DLGAP2: variants seen among roughly 807,000 people sequenced by gnomAD.
DLGAP2 encodes the protein disks large-associated protein 2.
A neutral mutation model predicts 100.3 loss-of-function variants in DLGAP2; 26 were observed. The ratio of observed to expected loss-of-function variants is 0.26; its 90% confidence interval spans 0.19 to 0.36. The LOEUF is 0.36. DLGAP2 is among the 10% of genes least tolerant of loss of function. The pLI, the probability that DLGAP2 is intolerant of heterozygous loss-of-function variation, is 1.00. For missense variants in DLGAP2, 1,858 were observed against 1,453.2 expected, an observed-to-expected ratio of 1.28 and a Z score of -4.53; for synonymous variants, 886 against 630.1, an observed-to-expected ratio of 1.41 and a Z score of -6.08.
At chr8:1,313,062 G>A (rs569829647) in intron 3 of DLGAP2, among the ~76,000 whole-genome samples, 7 of 152,238 alleles carry the variant, frequency 4.6e-5, no homozygotes, top group Non-Finnish European at 7.3e-5. Flanking sequence ...GCCACTGTCT[G>A]TGCTGACTGG....
chr8:1,639,602 T>C (rs1178323022), intron 8 of DLGAP2, among the ~76,000 whole-genome samples: 1 of 152,198 alleles, frequency 6.6e-6, no homozygotes, highest in Non-Finnish European at 1.5e-5. Flanking sequence ...GTTTGTCTCA[T>C]ATTTGCAGCT....
At chr8:1,200,121 G>A (rs1458249153) in intron 2 of DLGAP2, among the ~76,000 whole-genome samples, 3 of 152,064 alleles carry the variant, frequency 2.0e-5, no homozygotes, top group Admixed American at 6.5e-5. Context: ...CGTGGGGGCC[G>A]GGAGCGGATC....
chr8:1,337,372 A>ATGATGATGGTGATGGTGAGGACGATGG (rs1801304348), intron 3 of DLGAP2, among the ~76,000 whole-genome samples: 1 of 1,940 alleles, frequency 5.2e-4, no homozygotes, highest in African/African-American at 2.8e-3. Flanking sequence ...GATGACAGTG[A>ATGATGATGGTGATGGTGAGGACGATGG]TGATGATGGT....
chr8:1,485,515 C>T (rs1211706198), intron 3 of DLGAP2, among the ~76,000 whole-genome samples: 4 of 152,324 alleles, frequency 2.6e-5, no homozygotes, highest in South Asian at 2.1e-4. Flanking sequence ...ATAGCAGACG[C>T]GGTTAAGGAA....
At chr8:966,000 G>A (rs1173098631) in intron 2 of DLGAP2, among the ~76,000 whole-genome samples, 2 of 152,168 alleles carry the variant, frequency 1.3e-5, no homozygotes, top group Non-Finnish European at 2.9e-5. Context: ...TGTAGAGGAC[G>A]GGGACTCTCA....
At chr8:857,103 A>G (rs1368315661) in intron 1 of DLGAP2, among the ~76,000 whole-genome samples, 2 of 152,260 alleles carry the variant, frequency 1.3e-5, no homozygotes, top group Non-Finnish European at 2.9e-5. Flanking sequence ...GAAGGAGGAA[A>G]GGCCATTCAA....
At chr8:938,129 C>T (rs941776774) in intron 2 of DLGAP2, among the ~76,000 whole-genome samples, 2 of 152,118 alleles carry the variant, frequency 1.3e-5, no homozygotes, top group African/African-American at 2.4e-5. Context: ...GTGTGAGCTG[C>T]GGATCTCACA....
chr8:1,318,170 G>C (rs73670747), intron 3 of DLGAP2, among the ~76,000 whole-genome samples: 3,162 of 151,264 alleles, frequency 0.021, 125 homozygotes, highest in African/African-American at 0.072. Context: ...TGTGAGTGCA[G>C]CGTCTCTCCA....
intron 1 of DLGAP2, among the ~76,000 whole-genome samples, chr8:838,121 A>T (rs972941255): frequency 1.3e-5 from 2 of 151,946 alleles, no homozygotes; most frequent in African/African-American, 4.8e-5. Context: ...ATTGAATTAA[A>T]TTTATGCAGA....
At chr8:1,289,613 G>A (rs938672096) in intron 3 of DLGAP2, among the ~76,000 whole-genome samples, 1 of 152,182 alleles carries the variant, frequency 6.6e-6, no homozygotes, top group African/African-American at 2.4e-5. Flanking sequence ...TGTCCCTGGG[G>A]GCTGGCCTGG....
intron 2 of DLGAP2, among the ~76,000 whole-genome samples, chr8:1,072,730 T>C (rs1475931270): frequency 6.6e-6 from 1 of 152,188 alleles, no homozygotes; most frequent in East Asian, 1.9e-4. Context: ...CTGCACACAG[T>C]GCTTACACTG....
At chr8:1,521,822 T>C (rs576486470) in intron 4 of DLGAP2, among the ~76,000 whole-genome samples, 33 of 148,426 alleles carry the variant, frequency 2.2e-4, no homozygotes, top group Admixed American at 5.4e-4. Flanking sequence ...TTTGCACACT[T>C]GTTTTAATTT....
At chr8:767,655 G>A (rs1047757360) in intron 1 of DLGAP2, among the ~76,000 whole-genome samples, 4 of 152,056 alleles carry the variant, frequency 2.6e-5, no homozygotes, top group African/African-American at 9.7e-5. Flanking sequence ...ACGCCAGGAC[G>A]GCTGTTTAAT....
chr8:1,104,192 C>A (rs1197305463), intron 2 of DLGAP2, among the ~76,000 whole-genome samples: 1 of 152,164 alleles, frequency 6.6e-6, no homozygotes, highest in Non-Finnish European at 1.5e-5. Flanking sequence ...GAACAGCATC[C>A]AGCCCCGGCC....
At chr8:973,527 A>G (rs1428516542) in intron 2 of DLGAP2, among the ~76,000 whole-genome samples, 1 of 152,148 alleles carries the variant, frequency 6.6e-6, no homozygotes, top group Non-Finnish European at 1.5e-5. Flanking sequence ...GCGGCCGGGC[A>G]GAGATGCTCC....
intron 2 of DLGAP2, among the ~76,000 whole-genome samples, chr8:1,110,738 A>T: frequency 7.3e-6 from 1 of 137,102 alleles, no homozygotes; most frequent in Non-Finnish European, 1.5e-5. Flanking sequence ...TTTTTGAGAG[A>T]CATTGAGTGT....
intron 1 of DLGAP2, among the ~76,000 whole-genome samples, chr8:830,200 T>A (rs181361029): frequency 6.6e-6 from 1 of 152,218 alleles, no homozygotes; most frequent in South Asian, 2.1e-4. Context: ...TATATATTTA[T>A]GACGTACATG....
chr8:1,148,647 A>G (rs1033212155), intron 2 of DLGAP2, among the ~76,000 whole-genome samples: 4 of 152,080 alleles, frequency 2.6e-5, no homozygotes, highest in African/African-American at 9.7e-5. Flanking sequence ...AACATTTTCT[A>G]ATTTTCATTT....
intron 8 of DLGAP2, among the ~76,000 whole-genome samples, chr8:1,634,578 A>G (rs904385048): frequency 6.6e-6 from 1 of 152,222 alleles, no homozygotes; most frequent in Non-Finnish European, 1.5e-5. Context: ...CATTGAACAA[A>G]TTAGAATCAG....
Sources: allele counts gnomAD v4.1 joint callset (sites outside exome capture counted in the v4.1 genomes callset), GRCh38; gene constraint gnomAD v4.1.1; transcripts MANE v1.5; gene names NCBI Gene and HGNC (gene_info 2026-07-23, HGNC 2026-07-21).